GRM3: variants seen among roughly 807,000 people sequenced by gnomAD.
The protein encoded by GRM3 is glutamate metabotropic receptor 3.
A neutral mutation model predicts 70.5 loss-of-function variants in GRM3; 26 were observed. That is an observed-to-expected ratio of 0.37 (90% CI 0.27 to 0.51). GRM3 has a LOEUF of 0.51. Among genes scored for constraint, GRM3 ranks in the 20% least tolerant of loss-of-function variants. The pLI, the probability that GRM3 is intolerant of heterozygous loss-of-function variation, is 0.93. For missense variants in GRM3, 859 were observed against 1,123.8 expected (o/e 0.76, Z 3.37); for synonymous variants, 443 against 434.9 (o/e 1.02, Z -0.23).
At chr7:86,860,055 T>C (rs747333911) in intron 5 of GRM3, among the ~76,000 whole-genome samples, 1 of 152,158 alleles carries the variant, frequency 6.6e-6, no homozygotes, top group Non-Finnish European at 1.5e-5. Flanking sequence ...GAGTATCCAA[T>C]AGTTACTATT....
intron 3 of GRM3, among the ~76,000 whole-genome samples, chr7:86,829,646 A>G (rs1798311714): frequency 6.6e-6 from 1 of 152,200 alleles, no homozygotes; most frequent in African/African-American, 2.4e-5. Flanking sequence ...CAGTCAGTGA[A>G]GCAATCAGAA....
chr7:86,747,770 TC>T (rs1181776075), intron 1 of GRM3, among the ~76,000 whole-genome samples: 2 of 152,120 alleles, frequency 1.3e-5, no homozygotes, highest in Non-Finnish European at 2.9e-5. Flanking sequence ...ATTAATGATT[TC>T]TTCAAGAACA....
rs367648660 is a variant in GRM3 at position 86,837,654 on chromosome 7, GGGCACAGCTTCACTAAGCAGT to G, written c.1325-1172_1325-1152del. On this transcript the variant is annotated intron_variant, in intron 3 of 5. Coordinates refer to ENST00000361669, the MANE Select transcript of GRM3 (RefSeq NM_000840.3). Reference sequence around the variant, plus strand: ...CTGATGAAGAGGAGGGCCTAGGCAGGGGCACAGCTTCACTAAGCAGTGGCACAGCTTCAAGATGGAAGGAAT... The same window carrying G: ...CTGATGAAGAGGAGGGCCTAGGCAGGGGCACAGCTTCAAGATGGAAGGAAT... 6.2e-3 allele frequency among the ~76,000 whole-genome samples: 946 copies of G among 152,222 alleles called. 7 individuals are homozygous for G. The highest frequency in any genetic ancestry group is 0.022 in the African/African-American group (900 of 41,516).
intron 1 of GRM3, among the ~76,000 whole-genome samples, chr7:86,672,025 T>G (rs761178515): frequency 2.2e-4 from 34 of 152,108 alleles, no homozygotes; most frequent in Admixed American, 2.0e-3. Context: ...TCTCTGGGGG[T>G]TTTATTTTTA....
At chr7:86,817,672 C>G (rs910605101) in intron 3 of GRM3, among the ~76,000 whole-genome samples, 1 of 151,898 alleles carries the variant, frequency 6.6e-6, no homozygotes, top group Non-Finnish European at 1.5e-5. Context: ...CAGCTGTCAT[C>G]TGGTTGGGTT....
At chr7:86,718,799 A>C (rs1221577307) in intron 1 of GRM3, among the ~76,000 whole-genome samples, 1 of 151,992 alleles carries the variant, frequency 6.6e-6, no homozygotes, top group Non-Finnish European at 1.5e-5. Context: ...AGAAAGTTGA[A>C]ATAAACATTA....
chr7:86,732,127 T>A (rs1464021973), intron 1 of GRM3, among the ~76,000 whole-genome samples: 1 of 152,222 alleles, frequency 6.6e-6, no homozygotes, highest in Non-Finnish European at 1.5e-5. Context: ...CTATATGGAC[T>A]ATCTTTTGCT....
At position 86,765,078 on chromosome 7, in the gene GRM3, TGA is replaced by T. The variant is rs2116413977; in HGVS notation, c.-62_-61del. The T allele has an allele frequency of 3.3e-6, 5 of 1,505,780 alleles. No homozygotes were observed. In the East Asian group the frequency reaches 9.1e-5, roughly 27 times the overall value. The allele number at this position is 1,505,780 out of a possible 1,614,324, so 93.3% of individuals were successfully genotyped here. On this transcript the variant is annotated 5_prime_UTR_variant, in exon 2 of 6. An upstream open reading frame in the 5' UTR loses its in-frame stop. Coordinates refer to ENST00000361669, the MANE Select transcript of GRM3 (RefSeq NM_000840.3). ...ACAGGCCAAAGATCCAGTTTGGAAA[TGA>T]GAGAGGACTAGCATGACACATTGGC... is the stretch of plus-strand genomic sequence containing the variant.
intron 3 of GRM3, among the ~76,000 whole-genome samples, chr7:86,835,485 T>C (rs1487422051): frequency 6.6e-6 from 1 of 152,160 alleles, no homozygotes; most frequent in Non-Finnish European, 1.5e-5. Flanking sequence ...AAGAAAGAGA[T>C]GGATAGAATC....
chr7:86,850,545 G>T lies in GRM3; in HGVS notation c.2566+1G>T, dbSNP rs1337875787. ...GGAACTGGGACCACATACTCTCAGT[G>T]TAAGTATGGAACTCAGCACTAACTC... On this transcript the variant is annotated splice_donor_variant, in intron 5 of 5. Transcript: ENST00000361669. LOFTEE classifies it high-confidence loss of function. The T allele has an allele frequency of 1.9e-6, 3 of 1,595,216 alleles. No homozygotes were observed. Among genetic ancestry groups the T allele is most frequent in the Non-Finnish European group, 2.6e-6 (3 of 1,163,128 alleles).
At position 86,839,218 on chromosome 7, in the gene GRM3, C is replaced by T. The variant is rs767586001; in HGVS notation, c.1704C>T (p.Asp568=). 3 of 1,613,360 alleles carry T rather than the reference C, an allele frequency of 1.9e-6. No individual in the cohort carries two copies. The South Asian group carries it at 3.3e-5, about 18-fold the overall frequency. The change falls in exon 4 of 6, where the codon GAC becomes GAT. Residue 568 remains aspartate (D), a synonymous_variant. Coordinates refer to ENST00000361669, the MANE Select transcript of GRM3 (RefSeq NM_000840.3). This position sits in a 1 kb window ranked among gnomAD's most constrained non-coding sequence, Gnocchi z 4.5. The part of the protein sequence containing the change: ...DLTGCYDLPE[D]YIRWEDAWAI... ...CTGGATGCTATGACCTTCCTGAGGA[C>T]TACATCAGGTGGGAAGACGCCTGGG...
At chr7:86,774,245 C>T (rs1796825203) in intron 2 of GRM3, among the ~76,000 whole-genome samples, 1 of 151,968 alleles carries the variant, frequency 6.6e-6, no homozygotes, top group Non-Finnish European at 1.5e-5. Flanking sequence ...TAATGAAGGT[C>T]CATGGATTTA....
At chr7:86,698,204 C>T (rs990488080) in intron 1 of GRM3, among the ~76,000 whole-genome samples, 1 of 152,072 alleles carries the variant, frequency 6.6e-6, no homozygotes, top group African/African-American at 2.4e-5. Context: ...TCAATGTCCT[C>T]ACCTCTTTGA....
chr7:86,704,696 A>G (rs1210804991), intron 1 of GRM3, among the ~76,000 whole-genome samples: 2 of 151,854 alleles, frequency 1.3e-5, no homozygotes, highest in Non-Finnish European at 2.9e-5. Flanking sequence ...GAAAACTGGT[A>G]ATTAATTCTT....
intron 2 of GRM3, among the ~76,000 whole-genome samples, chr7:86,777,825 T>C (rs1796933959): frequency 6.6e-6 from 1 of 152,154 alleles, no homozygotes; most frequent in Admixed American, 6.5e-5. Flanking sequence ...CAGTTTAAAA[T>C]ACAAGCCAAT....
chr7:86,830,992 G>A (rs1584269476), intron 3 of GRM3, among the ~76,000 whole-genome samples: 1 of 152,270 alleles, frequency 6.6e-6, no homozygotes, highest in African/African-American at 2.4e-5. Flanking sequence ...CATACCACCA[G>A]GAGCTAAGAG....
chr7:86,836,294 G>T (rs559306895), intron 3 of GRM3, among the ~76,000 whole-genome samples: 1 of 152,136 alleles, frequency 6.6e-6, no homozygotes, highest in South Asian at 2.1e-4. Context: ...CTATGAATTT[G>T]CTCTAAGTAA....
At chr7:86,694,511 C>CAAAAAAAA (rs1226119828) in intron 1 of GRM3, among the ~76,000 whole-genome samples, 5 of 37,608 alleles carry the variant, frequency 1.3e-4, no homozygotes, top group African/African-American at 1.9e-4. Context: ...GACTCTGTCT[C>CAAAAAAAA]AAAAAAAAAA....
At chr7:86,719,375 T>A (rs567464614) in intron 1 of GRM3, among the ~76,000 whole-genome samples, 1 of 152,000 alleles carries the variant, frequency 6.6e-6, no homozygotes, top group Non-Finnish European at 1.5e-5. Context: ...TCATCTCTAA[T>A]ATTTCTGACA....
Sources: allele counts gnomAD v4.1 joint callset (sites outside exome capture counted in the v4.1 genomes callset), GRCh38; gene constraint gnomAD v4.1.1; non-coding constraint Gnocchi (gnomAD v3.1); transcripts MANE v1.5; gene names NCBI Gene and HGNC (gene_info 2026-07-23, HGNC 2026-07-21).